Variants in NUBPL observed in about 807,000 individuals in gnomAD.
NUBPL encodes iron-sulfur cluster transfer protein NUBPL.
A neutral mutation model predicts 45.7 loss-of-function variants in NUBPL; 31 were observed. That is an observed-to-expected ratio of 0.68 (90% CI 0.51 to 0.92). The LOEUF is 0.92. Among genes scored for constraint, NUBPL ranks in the 40% least tolerant of loss-of-function variants. The pLI is 0.00. For synonymous variants in NUBPL, 144 were observed against 140.9 expected, an observed-to-expected ratio of 1.02 and a Z score of -0.15; for missense variants, 401 against 398.7, an observed-to-expected ratio of 1.01 and a Z score of -0.05.
intron 9 of NUBPL, among the ~76,000 whole-genome samples, chr14:31,849,121 G>C (rs17098218): frequency 0.27 from 40,370 of 152,058 alleles, 8,210 homozygotes; most frequent in African/African-American, 0.58. Flanking sequence ...CATTTGACAA[G>C]AGGATCATGA....
intron 3 of NUBPL, among the ~76,000 whole-genome samples, chr14:31,593,441 G>A (rs2034197467): frequency 6.7e-6 from 1 of 150,124 alleles, no homozygotes; most frequent in African/African-American, 2.4e-5. Context: ...GTGAACCCGG[G>A]AGGCGGAGCT....
At chr14:31,679,462 C>T (rs183456470) in intron 6 of NUBPL, among the ~76,000 whole-genome samples, 236 of 152,058 alleles carry the variant, frequency 1.6e-3, no homozygotes, top group Non-Finnish European at 2.1e-3. Flanking sequence ...AAATAAGGGT[C>T]AATGTTTATA....
intron 6 of NUBPL, among the ~76,000 whole-genome samples, chr14:31,759,058 A>C (rs371598782): frequency 2.4e-4 from 36 of 151,764 alleles, no homozygotes; most frequent in African/African-American, 8.2e-4. Flanking sequence ...GAAACATCCC[A>C]CTATCGACTT....
intron 4 of NUBPL, among the ~76,000 whole-genome samples, chr14:31,641,283 T>A (rs1391768926): frequency 1.3e-5 from 2 of 152,190 alleles, no homozygotes; most frequent in African/African-American, 4.8e-5. Flanking sequence ...GTGTATTTAT[T>A]TGTACTGATT....
intron 4 of NUBPL, among the ~76,000 whole-genome samples, chr14:31,672,167 G>A (rs1208388570): frequency 2.0e-5 from 3 of 151,876 alleles, no homozygotes; most frequent in African/African-American, 7.3e-5. Context: ...TTTCATCTCA[G>A]ATTTCAAAAT....
At chr14:31,567,136 C>T (rs184146496) in intron 3 of NUBPL, among the ~76,000 whole-genome samples, 79 of 152,204 alleles carry the variant, frequency 5.2e-4, no homozygotes, top group Non-Finnish European at 9.1e-4. Context: ...AAAATAATTT[C>T]CTCTCTGAAC....
intron 6 of NUBPL, among the ~76,000 whole-genome samples, chr14:31,746,116 A>T (rs751379636): frequency 3.3e-5 from 5 of 152,014 alleles, no homozygotes; most frequent in African/African-American, 4.8e-5. Flanking sequence ...ATAGAAAGTC[A>T]TATCATCTGC....
At chr14:31,632,521 T>A (rs1402706120) in intron 4 of NUBPL, among the ~76,000 whole-genome samples, 1 of 152,128 alleles carries the variant, frequency 6.6e-6, no homozygotes, top group Non-Finnish European at 1.5e-5. Context: ...TAGGTTGGAG[T>A]AGCTGCCTGG....
At chr14:31,706,156 C>T (rs190358130) in intron 6 of NUBPL, among the ~76,000 whole-genome samples, 225 of 126,088 alleles carry the variant, frequency 1.8e-3, no homozygotes, top group Middle Eastern at 0.017. Context: ...CTCTCAATCC[C>T]CCCTCTAAAC....
chr14:31,673,262 A>C, intron 4 of NUBPL, 93 bp from the exon 5 acceptor site: 1 of 1,116,462 alleles, frequency 9.0e-7, no homozygotes, highest in Non-Finnish European at 1.3e-6. Context: ...GTTAATTAAA[A>C]AAATTTTTAA....
chr14:31,588,613 T>A (rs2378895), intron 3 of NUBPL, among the ~76,000 whole-genome samples: 46,835 of 151,664 alleles, frequency 0.31, 7,826 homozygotes, highest in South Asian at 0.41. Context: ...TTTTTTTAAA[T>A]CCTTAAAAAT....
chr14:31,802,582 C>T (rs2039613756), intron 7 of NUBPL, among the ~76,000 whole-genome samples: 1 of 152,094 alleles, frequency 6.6e-6, no homozygotes, highest in Admixed American at 6.6e-5. Context: ...GGCCGCCCTT[C>T]TTTTCTACAC....
At chr14:31,583,622 A>G (rs1242970858) in intron 3 of NUBPL, among the ~76,000 whole-genome samples, 4 of 152,178 alleles carry the variant, frequency 2.6e-5, no homozygotes, top group Non-Finnish European at 4.4e-5. Flanking sequence ...TCTAAGGGCA[A>G]TAGGAACAAT....
chr14:31,839,838 A>C (rs2040340350), intron 8 of NUBPL, among the ~76,000 whole-genome samples: 1 of 152,218 alleles, frequency 6.6e-6, no homozygotes, highest in Admixed American at 6.5e-5. Context: ...GGTATGTGAA[A>C]AAATGCTAGT....
chr14:31,650,866 G>A (rs2035984366), intron 4 of NUBPL, among the ~76,000 whole-genome samples: 2 of 152,254 alleles, frequency 1.3e-5, no homozygotes, highest in Admixed American at 6.5e-5. Context: ...AGGGAAACTA[G>A]TATATGCAGA....
chr14:31,576,804 A>C (rs931577685), intron 3 of NUBPL, among the ~76,000 whole-genome samples: 6 of 152,172 alleles, frequency 3.9e-5, no homozygotes, highest in African/African-American at 1.4e-4. Context: ...TTGGTAACTT[A>C]TCTGGAGGCT....
intron 7 of NUBPL, among the ~76,000 whole-genome samples, chr14:31,804,256 G>T (rs551615864): frequency 6.6e-6 from 1 of 152,266 alleles, no homozygotes; most frequent in Admixed American, 6.5e-5. Flanking sequence ...TCTATGAACA[G>T]AATATTTATA....
intron 4 of NUBPL, among the ~76,000 whole-genome samples, chr14:31,619,506 C>G (rs2035001791): frequency 6.6e-6 from 1 of 152,090 alleles, no homozygotes. Context: ...TCAATATTTG[C>G]CTATTTGTAA....
intron 4 of NUBPL, among the ~76,000 whole-genome samples, chr14:31,621,774 A>T (rs987868936): frequency 1.3e-5 from 2 of 152,244 alleles, no homozygotes; most frequent in African/African-American, 4.8e-5. Context: ...TTTTTAAAAT[A>T]AAGTACCCAG....
Sources: allele counts gnomAD v4.1 joint callset (sites outside exome capture counted in the v4.1 genomes callset), GRCh38; gene constraint gnomAD v4.1.1; transcripts MANE v1.5; gene names NCBI Gene and HGNC (gene_info 2026-07-23, HGNC 2026-07-21).